RFX7: variants seen among roughly 807,000 people sequenced by gnomAD.
RFX7 encodes the protein regulatory factor X7, also known as DNA-binding protein RFX7.
In RFX7, 26 loss-of-function variants were observed where a neutral mutation model predicts 111.8. The ratio of observed to expected loss-of-function variants is 0.23; its 90% CI spans 0.17 to 0.32. The LOEUF (loss-of-function observed/expected upper bound fraction) is 0.32, where lower values mean the gene tolerates loss of function less well. Among genes scored for constraint, RFX7 ranks in the 10% least tolerant of loss-of-function variants. RFX7 has a pLI of 1.00. For synonymous variants in RFX7, 624 were observed against 624.4 expected (o/e 1.00, Z 0.01); for missense variants, 1,573 against 1,772.9 (o/e 0.89, Z 2.02).
intron 3 of RFX7, among the ~76,000 whole-genome samples, chr15:56,167,716 T>C (rs12595366): frequency 0.13 from 19,819 of 152,248 alleles, 1,689 homozygotes; most frequent in East Asian, 0.44. Flanking sequence ...AATAAACAGA[T>C]AAATTTTTTC....
At position 56,122,791 on chromosome 15, in the gene RFX7, A is replaced by G. The variant is rs534528724; in HGVS notation, c.402-19121T>C. Among the ~76,000 whole-genome samples, 3 of 152,132 alleles carry G rather than the reference A, an allele frequency of 2.0e-5. No individual in the cohort carries two copies. In the East Asian group the frequency reaches 5.8e-4, roughly 29 times the overall value. On this transcript the variant is annotated intron_variant, in intron 5 of 9. Coordinates refer to ENST00000559447, the MANE Select transcript of RFX7 (RefSeq NM_022841.7). ...TCCTTCCCCTTTCCCTAGTCAGAGG[A>G]GTCTCCCCGTGTCCACCACCACAGG... is the stretch of plus-strand genomic sequence containing the variant.
Position 56,092,820 on chromosome 15 carries a change from G to T in RFX7, c.*525C>A, listed in dbSNP as rs1269057901. ...GGGTGTAAATGGTACTGAAGCCCCA[G>T]AAAGTCCTACAGAGATTTTTCACCC... On this transcript the variant is annotated 3_prime_UTR_variant, in exon 10 of 10. Coordinates refer to ENST00000559447, the MANE Select transcript of RFX7 (RefSeq NM_022841.7). The T allele has an allele frequency of 6.6e-6, 1 of 152,552 alleles. No homozygotes were observed. The highest frequency in any genetic ancestry group is 2.4e-5 in the African/African-American group (1 of 41,392). 9.4% of individuals were successfully genotyped at this position (152,552 alleles called of 1,614,324 possible). A position where few individuals can be genotyped will look rare whatever the true frequency, so the allele number is the denominator to read the frequency against.
At chr15:56,233,117 G>T (rs946211149) in intron 2 of RFX7, among the ~76,000 whole-genome samples, 1 of 152,132 alleles carries the variant, frequency 6.6e-6, no homozygotes, top group Admixed American at 6.5e-5. Context: ...TCACACCGTT[G>T]ATAAAGACAT....
At chr15:56,144,575 G>T in intron 3 of RFX7, 92 bp from the exon 4 acceptor site, 1 of 474,830 alleles carries the variant, frequency 2.1e-6, no homozygotes, top group Non-Finnish European at 3.9e-6. Flanking sequence ...AAACGATAAT[G>T]ACTATTTAAA....
chr15:56,127,466 A>C (rs2042158644), intron 5 of RFX7, among the ~76,000 whole-genome samples: 1 of 151,294 alleles, frequency 6.6e-6, no homozygotes, highest in Non-Finnish European at 1.5e-5. Context: ...AGGCTATAAT[A>C]AAGATTCTAG....
intron 3 of RFX7, among the ~76,000 whole-genome samples, chr15:56,146,095 T>A (rs948282977): frequency 3.3e-5 from 5 of 152,090 alleles, no homozygotes; most frequent in African/African-American, 1.2e-4. Context: ...CCTGAAATTT[T>A]TTTTTGTCAA....
At chr15:56,181,960 T>C (rs1162735223) in intron 2 of RFX7, among the ~76,000 whole-genome samples, 2 of 152,066 alleles carry the variant, frequency 1.3e-5, no homozygotes, top group African/African-American at 4.8e-5. Context: ...CTGTGAACCC[T>C]ATTGTGAACT....
intron 2 of RFX7, among the ~76,000 whole-genome samples, chr15:56,220,761 G>C (rs1458469227): frequency 6.6e-6 from 1 of 152,062 alleles, no homozygotes; most frequent in Non-Finnish European, 1.5e-5. Context: ...CGGTTCCTAT[G>C]ACCAGAATGT....
At chr15:56,186,629 T>A (rs1255738561) in intron 2 of RFX7, among the ~76,000 whole-genome samples, 1 of 152,022 alleles carries the variant, frequency 6.6e-6, no homozygotes, top group Non-Finnish European at 1.5e-5. Context: ...ATGAACTGTA[T>A]ACATGTGTGT....
chr15:56,127,616 C>T (rs188065140), intron 5 of RFX7, among the ~76,000 whole-genome samples: 42 of 149,568 alleles, frequency 2.8e-4, no homozygotes, highest in African/African-American at 9.1e-4. Flanking sequence ...GGCGCGATCT[C>T]GACTCACTGC....
At chr15:56,166,758 T>A (rs1408644980) in intron 3 of RFX7, among the ~76,000 whole-genome samples, 1 of 152,126 alleles carries the variant, frequency 6.6e-6, no homozygotes, top group Non-Finnish European at 1.5e-5. Flanking sequence ...ATGGAACTTT[T>A]TTTTTTGGTT....
chr15:56,204,227 T>C (rs1368740841), intron 2 of RFX7, among the ~76,000 whole-genome samples: 2 of 151,916 alleles, frequency 1.3e-5, no homozygotes, highest in African/African-American at 4.8e-5. Flanking sequence ...CCATGTTGCC[T>C]AGGCTGGTCT....
At chr15:56,180,557 C>A (rs1166362522) in intron 2 of RFX7, among the ~76,000 whole-genome samples, 1 of 151,964 alleles carries the variant, frequency 6.6e-6, no homozygotes, top group Non-Finnish European at 1.5e-5. Flanking sequence ...TTAAGAATTG[C>A]TGCTAAAAAG....
At chr15:56,149,107 T>C (rs1259008811) in intron 3 of RFX7, among the ~76,000 whole-genome samples, 3 of 146,712 alleles carry the variant, frequency 2.0e-5, no homozygotes, top group Non-Finnish European at 4.5e-5. Flanking sequence ...AAAAAATCAA[T>C]GTGTCACCCC....
At chr15:56,198,786 G>T (rs1168211180) in intron 2 of RFX7, among the ~76,000 whole-genome samples, 3 of 152,116 alleles carry the variant, frequency 2.0e-5, no homozygotes, top group African/African-American at 7.2e-5. Flanking sequence ...GAAACTAATT[G>T]TTAAAGTTGA....
chr15:56,128,136 C>G (rs1240094209), intron 5 of RFX7, among the ~76,000 whole-genome samples: 1 of 152,050 alleles, frequency 6.6e-6, no homozygotes, highest in Non-Finnish European at 1.5e-5. Flanking sequence ...TAAAAAGTAC[C>G]TACAAAGAAA....
At chr15:56,244,511 C>T (rs910053140), upstream of RFX7, among the ~76,000 whole-genome samples, 2 of 152,238 alleles carry the variant, frequency 1.3e-5, no homozygotes, top group African/African-American at 4.8e-5. Context: ...GTCTCCATGC[C>T]ATCCTCAACG....
intron 5 of RFX7, 137 bp downstream of exon 5, chr15:56,142,641 T>G (rs1425934510): frequency 5.4e-6 from 4 of 736,984 alleles, no homozygotes; most frequent in East Asian, 2.8e-5. Context: ...AGAGCTGGAA[T>G]GAATCTTAAG....
At position 56,095,505 on chromosome 15, in the gene RFX7, A is replaced by G; in HGVS notation, c.2223T>C (p.Asp741=). The G allele has an allele frequency of 1.2e-6, 2 of 1,613,196 alleles. No individual in the cohort carries two copies. The highest frequency in any genetic ancestry group is 1.7e-6 in the Non-Finnish European group (2 of 1,179,868). The change falls in exon 10 of 10, where the codon GAT becomes GAC. Residue 741 remains aspartate, a synonymous_variant. Transcript: ENST00000559447. ...PLNSSALVIS[D]SALEQQTTPS... is the part of the protein sequence containing the mutation. ...GGGTTGTTTGCTGTTCCAAAGCTGA[A>G]TCACTGATAACAAGGGCAGAGGAAT...
Sources: gnomAD v4.1 joint callset for allele counts (sites outside exome capture counted in the v4.1 genomes callset) on GRCh38, gnomAD v4.1.1 for gene constraint, MANE v1.5 for transcripts, NCBI Gene and HGNC (gene_info 2026-07-23, HGNC 2026-07-21) for gene names.